The following DTNA variants were observed in gnomAD, a reference collection of about 807,000 sequenced individuals.
The protein encoded by DTNA is dystrobrevin alpha, also known as dystrophin-related protein 3.
A neutral mutation model predicts 100.7 loss-of-function variants in DTNA; 43 were observed. The observed-to-expected ratio is 0.43, with a 90% confidence interval of 0.33 to 0.55. The LOEUF (loss-of-function observed/expected upper bound fraction) is 0.55. DTNA is among the 20% of genes least tolerant of loss of function. The pLI, the probability that DTNA is intolerant of heterozygous loss-of-function variation, is 0.04. For missense variants in DTNA, 798 were observed against 953.9 expected, an observed-to-expected ratio of 0.84 and a Z score of 2.15; for synonymous variants, 349 against 347.9, an observed-to-expected ratio of 1.00 and a Z score of -0.04.
Position 34,838,848 on chromosome 18 carries a change from G to T in DTNA, c.1346+11G>T. On this transcript the variant is annotated intron_variant, in intron 13 of 22. Transcript: ENST00000444659. Reference sequence around the variant, plus strand: ...GAACAACCCCTCATGGTTAGTGCAGGTTTGGCTGCTTGACTGTCCTTAGAG... The same window carrying T: ...GAACAACCCCTCATGGTTAGTGCAGTTTTGGCTGCTTGACTGTCCTTAGAG... The T allele has an allele frequency of 1.2e-6, 2 of 1,612,468 alleles. No homozygotes were observed. The highest frequency in any genetic ancestry group is 1.7e-6 in the Non-Finnish European group (2 of 1,178,658).
intron 1 of DTNA, among the ~76,000 whole-genome samples, chr18:34,607,682 G>A (rs1378822063): frequency 6.6e-6 from 1 of 152,162 alleles, no homozygotes; most frequent in East Asian, 1.9e-4. Flanking sequence ...AGAGAGAGGT[G>A]TTTGTCCTGA....
At chr18:34,760,172 C>T (rs1406947720) in intron 2 of DTNA, 1 of 152,154 alleles carries the variant, frequency 6.6e-6, no homozygotes, top group Non-Finnish European at 1.5e-5. Context: ...GATACGGTGA[C>T]TGTTTTCACT....
At chr18:34,827,716 G>A (rs751919544) in intron 10 of DTNA, 40 bp downstream of exon 10, 2 of 1,581,944 alleles carry the variant, frequency 1.3e-6, no homozygotes, top group East Asian at 2.2e-5. Context: ...CCTTTCTTTG[G>A]TAATGAGCCT....
chr18:34,558,483 T>C (rs2146163930), intron 1 of DTNA, among the ~76,000 whole-genome samples: 1 of 152,324 alleles, frequency 6.6e-6, no homozygotes, highest in South Asian at 2.1e-4. Context: ...TAGTTGTCAG[T>C]AATACAGCCA....
intron 22 of DTNA, among the ~76,000 whole-genome samples, chr18:34,887,216 T>C (rs2096929595): frequency 6.6e-6 from 1 of 152,236 alleles, no homozygotes; most frequent in Non-Finnish European, 1.5e-5. Context: ...CCTGGTTTAT[T>C]GGTTTTCAAC....
intron 1 of DTNA, among the ~76,000 whole-genome samples, chr18:34,693,414 T>C (rs2080059829): frequency 6.6e-6 from 1 of 152,100 alleles, no homozygotes; most frequent in Non-Finnish European, 1.5e-5. Flanking sequence ...AGAGCTTAAG[T>C]ACTACCCAAA....
intron 3 of DTNA, among the ~76,000 whole-genome samples, chr18:34,780,306 C>T (rs988226191): frequency 6.6e-6 from 1 of 152,102 alleles, no homozygotes; most frequent in African/African-American, 2.4e-5. Context: ...AATTAAAGAG[C>T]CTTACTTCTA....
intron 1 of DTNA, among the ~76,000 whole-genome samples, chr18:34,504,461 C>T (rs1431650755): frequency 6.6e-6 from 1 of 152,070 alleles, no homozygotes; most frequent in Non-Finnish European, 1.5e-5. Context: ...AACCTTTCTT[C>T]TTTTATTGTT....
intron 1 of DTNA, among the ~76,000 whole-genome samples, chr18:34,518,843 A>G (rs570576622): frequency 3.9e-4 from 59 of 152,034 alleles, no homozygotes; most frequent in African/African-American, 1.4e-3. Flanking sequence ...GGAGGTACAT[A>G]TAGCAATATT....
chr18:34,765,434 C>T (rs1307819261), intron 2 of DTNA, among the ~76,000 whole-genome samples: 1 of 152,152 alleles, frequency 6.6e-6, no homozygotes, highest in Non-Finnish European at 1.5e-5. Context: ...TTTATCCTTA[C>T]AACAGTCCTG....
At chr18:34,818,435 C>T in intron 8 of DTNA, 105 bp downstream of exon 8, 1 of 1,547,492 alleles carries the variant, frequency 6.5e-7, no homozygotes, top group Non-Finnish European at 8.7e-7. Flanking sequence ...AACTTACCTT[C>T]CATCCCAGGT....
chr18:34,495,328 A>G (rs2144360548), intron 1 of DTNA, among the ~76,000 whole-genome samples: 1 of 152,340 alleles, frequency 6.6e-6, no homozygotes. Context: ...CAAGTGTCCT[A>G]CAGTAATTAA....
chr18:34,794,386 T>G, intron 4 of DTNA, 136 bp downstream of exon 4: 1 of 962,900 alleles, frequency 1.0e-6, no homozygotes, highest in Non-Finnish European at 1.6e-6. Flanking sequence ...TGGATGCTTA[T>G]GTCAGTAAAG....
chr18:34,627,430 G>A (rs1310567008), intron 1 of DTNA, among the ~76,000 whole-genome samples: 4 of 152,188 alleles, frequency 2.6e-5, no homozygotes, highest in Non-Finnish European at 4.4e-5. Context: ...CAGACCCCAT[G>A]GTTCCTTCCC....
intron 1 of DTNA, among the ~76,000 whole-genome samples, chr18:34,614,408 T>G (rs964314304): frequency 1.3e-5 from 2 of 152,098 alleles, no homozygotes; most frequent in Non-Finnish European, 2.9e-5. Context: ...GAAATACATC[T>G]CCCAAGGCTG....
chr18:34,846,479 T>A (rs1209323227), intron 13 of DTNA, among the ~76,000 whole-genome samples: 1 of 152,186 alleles, frequency 6.6e-6, no homozygotes, highest in Non-Finnish European at 1.5e-5. Flanking sequence ...CCTCTTTTTC[T>A]GAGGAGGGAG....
intron 1 of DTNA, among the ~76,000 whole-genome samples, chr18:34,644,650 A>G (rs2059640769): frequency 6.6e-6 from 1 of 152,124 alleles, no homozygotes; most frequent in Non-Finnish European, 1.5e-5. Context: ...ATAATCTGAA[A>G]AGAACAGCAC....
chr18:34,838,858 T>C (rs764969242), intron 13 of DTNA, 21 bp downstream of exon 13: 6 of 1,605,404 alleles, frequency 3.7e-6, no homozygotes, highest in South Asian at 1.1e-5. Context: ...GTTTGGCTGC[T>C]TGACTGTCCT....
At chr18:34,867,451 A>C (rs2096717969) in intron 17 of DTNA, 1 of 1,223,982 alleles carries the variant, frequency 8.2e-7, no homozygotes. Context: ...ATTGCCCATG[A>C]ATGCATACAT....
Sources: gnomAD v4.1 joint callset for allele counts (sites outside exome capture counted in the v4.1 genomes callset) on GRCh38, gnomAD v4.1.1 for gene constraint, MANE v1.5 for transcripts, NCBI Gene and HGNC (gene_info 2026-07-23, HGNC 2026-07-21) for gene names.